The following CTNND1 variants were observed in gnomAD, a reference collection of about 807,000 sequenced individuals.
CTNND1 encodes catenin delta-1.
CTNND1 carries 16 observed loss-of-function variants against 112.1 expected under a neutral mutation model. That is an observed-to-expected ratio of 0.14 (90% CI 0.10 to 0.22). CTNND1 has a LOEUF of 0.22. Ranked by LOEUF, CTNND1 falls within the 10% of genes least tolerant of loss-of-function variation. The pLI is 1.00. For missense variants in CTNND1, 1,008 were observed against 1,257.0 expected, an observed-to-expected ratio of 0.80 and a Z score of 3.00; for synonymous variants, 420 against 446.5, an observed-to-expected ratio of 0.94 and a Z score of 0.75.
chr11:57,797,568 C>T (rs2061486565), intron 6 of CTNND1, among the ~76,000 whole-genome samples: 1 of 134,144 alleles, frequency 7.5e-6, no homozygotes, highest in Non-Finnish European at 1.6e-5. Flanking sequence ...ATGGGCCAGG[C>T]GCGGTGGCTC....
chr11:57,810,344 TC>T (rs2137464751), intron 16 of CTNND1, 121 bp downstream of exon 16: 1 of 665,134 alleles, frequency 1.5e-6, no homozygotes, highest in Middle Eastern at 3.9e-4. Flanking sequence ...TTTTTCTTTT[TC>T]GGAGACAGAG....
rs1306493621 is a variant in CTNND1 at position 57,802,040 on chromosome 11, A to C, written c.1264A>C (p.Lys422Gln). ...GGTGGGATTGTTAGACCATCCCAAAAAGGAAGTGCACCTTGGAGCCTGTGG... is the reference window on the plus strand; with the variant it reads ...GGTGGGATTGTTAGACCATCCCAAACAGGAAGTGCACCTTGGAGCCTGTGG... ...VLVGLLDHPK[K>Q]EVHLGACGAL... The change falls in exon 7 of 21, where the codon AAG (lysine) becomes CAG (glutamine). Residue 422 changes from lysine (K) to glutamine (Q), a missense_variant. By Grantham distance (53) the Lys-to-Gln change is moderately conservative. Around this residue, in one of 5 missense-constraint regions of CTNND1, gnomAD observed 216 missense variants for 342.8 expected, o/e 0.63. Coordinates refer to ENST00000399050, the MANE Select transcript of CTNND1 (RefSeq NM_001085458.2). 4 of 1,614,012 alleles carry C rather than the reference A, an allele frequency of 2.5e-6. No homozygotes were observed. The highest frequency in any genetic ancestry group is 3.4e-6 in the Non-Finnish European group (4 of 1,179,894).
chr11:57,766,824 C>T (rs561390145), intron 1 of CTNND1, among the ~76,000 whole-genome samples: 4 of 152,214 alleles, frequency 2.6e-5, no homozygotes, highest in South Asian at 2.1e-4. Context: ...GAGAATGGGG[C>T]CTGAATTTAC....
chr11:57,813,980 T>C (rs1410738276), intron 17 of CTNND1: 2 of 181,612 alleles, frequency 1.1e-5, no homozygotes, highest in African/African-American at 4.7e-5. Context: ...GACCAAATAA[T>C]TTGAAAACTG....
rs544869143 is a variant in CTNND1, at chr11:57,815,666, G to T, written c.2808+166G>T. On this transcript the variant is annotated intron_variant, in intron 19 of 20. Transcript: ENST00000399050. ...GACTCATGTTGGGATTTCTTGGGCC[G>T]TTATTCTGCAGTGGTCAAAATGGGG... The T allele has an allele frequency of 7.4e-6, 6 of 809,072 alleles. No individual in the cohort carries two copies. The East Asian group carries it at 1.5e-4, about 20-fold the overall frequency. The allele number at this position is 809,072 out of a possible 1,614,324, so 50.1% of individuals were successfully genotyped here.
rs571682318 is a variant in CTNND1, at chr11:57,810,623, C to A, written c.2550+400C>A. ...TACAGGCATGAGCCATCACACCTGG[C>A]CTCATGTTAAATCTATTTTTGACCC... is the stretch of plus-strand genomic sequence containing the variant. On this transcript the variant is annotated intron_variant, in intron 16 of 20. Coordinates refer to ENST00000399050, the MANE Select transcript of CTNND1 (RefSeq NM_001085458.2). Among the ~76,000 whole-genome samples, 6 of 152,052 alleles carry A rather than the reference C, an allele frequency of 3.9e-5. 1 individual carries two copies. In the South Asian group the frequency reaches 1.2e-3, roughly 32 times the overall value.
At chr11:57,790,198 C>T (rs1023871850) in intron 2 of CTNND1, among the ~76,000 whole-genome samples, 1 of 151,862 alleles carries the variant, frequency 6.6e-6, no homozygotes, top group Non-Finnish European at 1.5e-5. Context: ...TCTCATGCCT[C>T]GGCTGGGATT....
At chr11:57,794,198 A>G (rs2136817238) in intron 4 of CTNND1, 117 bp downstream of exon 4, 2 of 830,966 alleles carry the variant, frequency 2.4e-6, no homozygotes, top group Non-Finnish European at 3.9e-6. Flanking sequence ...CTCGTCAATT[A>G]GTTTCTTTTA....
At chr11:57,765,731 G>C (rs1432940721) in intron 1 of CTNND1, among the ~76,000 whole-genome samples, 1 of 152,060 alleles carries the variant, frequency 6.6e-6, no homozygotes, top group African/African-American at 2.4e-5. Flanking sequence ...GCCTCCTAAA[G>C]TGCTGGGATT....
intron 1 of CTNND1, among the ~76,000 whole-genome samples, chr11:57,772,682 A>C (rs1952988946): frequency 6.6e-6 from 1 of 152,222 alleles, no homozygotes; most frequent in Admixed American, 6.5e-5. Context: ...TGCATATACG[A>C]AAGTAAAAGG....
At chr11:57,806,572 T>C in intron 11 of CTNND1, 94 bp downstream of exon 11, 1 of 1,169,742 alleles carries the variant, frequency 8.5e-7, no homozygotes, top group Non-Finnish European at 1.2e-6. Context: ...TTTCCCTGTC[T>C]ATGCATGTAG....
At chr11:57,779,950 A>G (rs746431947) in intron 1 of CTNND1, among the ~76,000 whole-genome samples, 1 of 152,132 alleles carries the variant, frequency 6.6e-6, no homozygotes, top group Non-Finnish European at 1.5e-5. Context: ...AGTGAAGATA[A>G]GACCCAAAAG....
Position 57,808,432 on chromosome 11 carries a change from C to A in CTNND1, c.2134C>A (p.Leu712Ile). 1 of 1,612,314 alleles carries A rather than the reference C, an allele frequency of 6.2e-7. No individual in the cohort carries two copies. Among genetic ancestry groups the A allele is most frequent in the Non-Finnish European group, 8.5e-7 (1 of 1,178,950 alleles). Residue 712 changes from leucine to isoleucine, a missense_variant, in exon 14 of 21, where the codon CTT (leucine) becomes ATT (isoleucine). Physicochemically the swap from Leu to Ile is conservative, Grantham distance 5. Transcript: ENST00000399050. Reference sequence around the variant, plus strand: ...CTCTGCTCTGCGTCAAGAGAAGGCTCTTTCTGCCATAGCTGACCTCCTGAC... The same window carrying A: ...CTCTGCTCTGCGTCAAGAGAAGGCTATTTCTGCCATAGCTGACCTCCTGAC... ...IRSALRQEKA[L>I]SAIADLLTNE...
At chr11:57,775,036 A>G (rs1953803499) in intron 1 of CTNND1, among the ~76,000 whole-genome samples, 1 of 147,184 alleles carries the variant, frequency 6.8e-6, no homozygotes, top group Non-Finnish European at 1.5e-5. Flanking sequence ...TTTTTTTTTT[A>G]AGACATGAAT....
chr11:57,817,833 GTTGA>G lies in CTNND1; in HGVS notation c.*1528_*1531del, dbSNP rs1035788532. 2 of 152,458 alleles carry G rather than the reference GTTGA, an allele frequency of 1.3e-5. No individual in the cohort carries two copies. The highest frequency in any genetic ancestry group is 4.8e-5 in the African/African-American group (2 of 41,370). 9.4% of individuals were successfully genotyped at this position (152,458 alleles called of 1,614,324 possible). ...GCTAGAGAAATCAGCTGCTATGCGGGTTGATTATTATTATTATTTCTAATCCTTT... is the reference window on the plus strand; with the variant it reads ...GCTAGAGAAATCAGCTGCTATGCGGGTTATTATTATTATTTCTAATCCTTT... On this transcript the variant is annotated 3_prime_UTR_variant, in exon 21 of 21. Transcript: ENST00000399050.
rs187440880 is a variant in CTNND1 at position 57,767,983 on chromosome 11, G to A, written c.-214+5864G>A. Among the ~76,000 whole-genome samples the A allele has an allele frequency of 9.8e-4, 149 of 151,908 alleles. No individual in the cohort carries two copies. The Middle Eastern group carries it at 0.014, about 14-fold the overall frequency. The stretch of plus-strand genomic sequence containing the variant: ...CGAGTAGCTGGGACTACAGGTGCCC[G>A]CCACCACGCCCGGCTGATTTTTGTA... On this transcript the variant is annotated intron_variant, in intron 1 of 20. Transcript: ENST00000399050.
chr11:57,806,914 G>T lies in CTNND1; in HGVS notation c.1895-1G>T. The T allele has an allele frequency of 6.3e-7, 1 of 1,593,138 alleles. No individual in the cohort carries two copies. The highest frequency in any genetic ancestry group is 2.3e-5 in the East Asian group (1 of 44,284). On this transcript the variant is annotated splice_acceptor_variant, in intron 11 of 20. Coordinates refer to ENST00000399050, the MANE Select transcript of CTNND1 (RefSeq NM_001085458.2). LOFTEE classifies it high-confidence loss of function. ...TTTCCCGCCCTTTTTCATTTTTGTAGGGAAAAAACCTATAGAGGATCCAGC... is the reference window on the plus strand; with the variant it reads ...TTTCCCGCCCTTTTTCATTTTTGTATGGAAAAAACCTATAGAGGATCCAGC...
Position 57,795,609 on chromosome 11 carries a change from C to T in CTNND1, c.300C>T (p.Pro100=). 9 of 1,611,874 alleles carry T rather than the reference C, an allele frequency of 5.6e-6. No individual in the cohort carries two copies. The highest frequency in any genetic ancestry group is 7.6e-6 in the Non-Finnish European group (9 of 1,179,158). Residue 100 remains proline (P), a synonymous_variant, in exon 5 of 21, where the codon CCC becomes CCT. Coordinates refer to ENST00000399050, the MANE Select transcript of CTNND1 (RefSeq NM_001085458.2). ...DHSHLLYSTI[P]RMQEPGQIVE... ...GTCACCTTCTATATAGCACCATCCCCAGGATGCAGGAGCCGGGGCAGATTG... is the reference window on the plus strand; with the variant it reads ...GTCACCTTCTATATAGCACCATCCCTAGGATGCAGGAGCCGGGGCAGATTG...
intron 3 of CTNND1, among the ~76,000 whole-genome samples, chr11:57,792,225 T>C (rs1447206028): frequency 6.6e-6 from 1 of 152,084 alleles, no homozygotes; most frequent in Non-Finnish European, 1.5e-5. Flanking sequence ...TTGGTTAGAG[T>C]TGGAGAGGGA....
Sources: gnomAD v4.1 joint callset for allele counts (sites outside exome capture counted in the v4.1 genomes callset) on GRCh38, gnomAD v4.1.1 for gene constraint, gnomAD v4.1.1 regional missense constraint, MANE v1.5 for transcripts, NCBI Gene and HGNC (gene_info 2026-07-23, HGNC 2026-07-21) for gene names.